ELP4: variants seen among roughly 807,000 people sequenced by gnomAD.
ELP4 encodes elongator complex protein 4.
ELP4 carries 51 observed loss-of-function variants against 48.9 expected under a neutral mutation model. The observed-to-expected ratio is 1.04, with a 90% CI of 0.83 to 1.32. The LOEUF (loss-of-function observed/expected upper bound fraction) is 1.32, where lower values mean the gene tolerates loss of function less well. ELP4 is among the 40% of genes most tolerant of loss of function. The probability of loss-of-function intolerance (pLI) is 0.00; values close to 1 mark genes in which losing one functional copy is unlikely to be tolerated. For synonymous variants in ELP4, 210 were observed against 189.2 expected (o/e 1.11, Z -0.90); for missense variants, 519 against 514.6 (o/e 1.01, Z -0.08).
At chr11:31,774,444 G>A (rs1948205761) in intron 9 of ELP4, among the ~76,000 whole-genome samples, 1 of 152,120 alleles carries the variant, frequency 6.6e-6, no homozygotes, top group Non-Finnish European at 1.5e-5. Context: ...AACCCCATGG[G>A]GCCCCAATTG....
intron 3 of ELP4, among the ~76,000 whole-genome samples, chr11:31,568,576 C>T (rs1323324810): frequency 1.3e-5 from 2 of 152,086 alleles, no homozygotes; most frequent in Non-Finnish European, 2.9e-5. Flanking sequence ...GGTATAAAGA[C>T]AGATATAAAG....
intron 9 of ELP4, among the ~76,000 whole-genome samples, chr11:31,764,006 C>T (rs1434929634): frequency 2.0e-5 from 3 of 151,906 alleles, no homozygotes; most frequent in Admixed American, 6.6e-5. Flanking sequence ...AATGAAGTTT[C>T]TAATTTTTTT....
At chr11:31,631,734 A>G (rs1010164179) in intron 6 of ELP4, among the ~76,000 whole-genome samples, 11 of 152,152 alleles carry the variant, frequency 7.2e-5, no homozygotes, top group African/African-American at 2.7e-4. Context: ...CAAATGTAAA[A>G]TATAAAAACA....
chr11:31,698,336 T>G (rs1946452927), intron 9 of ELP4, among the ~76,000 whole-genome samples: 1 of 152,198 alleles, frequency 6.6e-6, no homozygotes, highest in African/African-American at 2.4e-5. Context: ...TTATATCTTT[T>G]TGTACTTTAA....
chr11:31,781,603 A>G (rs1035767299), intron 9 of ELP4, among the ~76,000 whole-genome samples: 2 of 140,022 alleles, frequency 1.4e-5, no homozygotes, highest in South Asian at 2.2e-4. Context: ...GGTTCAAGCA[A>G]TTCTCCTGCC....
chr11:31,787,789 C>T lies in ELP4; in HGVS notation c.*4265C>T, dbSNP rs915160415. 13 of 226,698 alleles carry T rather than the reference C, an allele frequency of 5.7e-5. No individual in the cohort carries two copies. Among genetic ancestry groups the T allele is most frequent in the Non-Finnish European group, 1.1e-4 (13 of 114,008 alleles). 14.0% of individuals were successfully genotyped at this position (226,698 alleles called of 1,614,324 possible). On this transcript the variant is annotated 3_prime_UTR_variant, in exon 10 of 10. Coordinates refer to ENST00000640961, the MANE Select transcript of ELP4 (RefSeq NM_019040.5). ...TATTTCATGCCGGAGCAATGAATCT[C>T]AATTATCTGTTCACAAGTAATTCCT... is the stretch of plus-strand genomic sequence containing the variant.
At chr11:31,707,278 T>C (rs1458554692) in intron 9 of ELP4, 4 of 327,478 alleles carry the variant, frequency 1.2e-5, no homozygotes, top group Non-Finnish European at 2.2e-5. Context: ...TTACAGTTCA[T>C]GTTACTAGCA....
intron 3 of ELP4, chr11:31,580,616 C>G: frequency 6.5e-6 from 1 of 153,056 alleles, no homozygotes; most frequent in Non-Finnish European, 1.5e-5. Context: ...CGCTGTCTCT[C>G]TTGCTCTCTC....
At chr11:31,776,595 C>A (rs973314617) in intron 9 of ELP4, among the ~76,000 whole-genome samples, 2 of 152,302 alleles carry the variant, frequency 1.3e-5, no homozygotes, top group South Asian at 2.1e-4. Context: ...CAAGTGAGTT[C>A]TTCTCAATCT....
Position 31,696,668 on chromosome 11 carries a change from A to G in ELP4, c.1143+46447A>G, listed in dbSNP as rs542584846. ...CAAGAGCTTCTGAAGGAAGCACTAA[A>G]CATGAAAGGAACAACCGGTACCAGC... On this transcript the variant is annotated intron_variant, in intron 9 of 9. Transcript: ENST00000640961. 5.3e-5 allele frequency among the ~76,000 whole-genome samples: 8 copies of G among 152,224 alleles called. No homozygotes were observed. The South Asian group carries it at 1.7e-3, about 32-fold the overall frequency.
At chr11:31,641,463 A>G (rs181488596) in intron 7 of ELP4, among the ~76,000 whole-genome samples, 8 of 152,086 alleles carry the variant, frequency 5.3e-5, no homozygotes, top group Non-Finnish European at 7.4e-5. Flanking sequence ...CTTAAATTAC[A>G]AGATAAATAA....
At chr11:31,671,808 G>A (rs1945813647) in intron 9 of ELP4, among the ~76,000 whole-genome samples, 1 of 152,116 alleles carries the variant, frequency 6.6e-6, no homozygotes. Flanking sequence ...AGACTTATTT[G>A]CCAAGTGACT....
chr11:31,695,584 A>G (rs959488243), intron 9 of ELP4, among the ~76,000 whole-genome samples: 1 of 151,242 alleles, frequency 6.6e-6, no homozygotes, highest in Non-Finnish European at 1.5e-5. Context: ...GGATTTCTGC[A>G]TAGATGTTCA....
At chr11:31,602,266 A>C (rs1006038437) in intron 4 of ELP4, among the ~76,000 whole-genome samples, 1 of 152,090 alleles carries the variant, frequency 6.6e-6, no homozygotes, top group Non-Finnish European at 1.5e-5. Context: ...AATCCGGATA[A>C]AGAATAGATT....
chr11:31,744,233 A>G (rs920090412), intron 9 of ELP4, among the ~76,000 whole-genome samples: 11 of 152,220 alleles, frequency 7.2e-5, no homozygotes, highest in Non-Finnish European at 1.0e-4. Flanking sequence ...CAGGCTCTGA[A>G]ATTGAGGCAA....
chr11:31,704,902 T>C (rs1018712471), intron 9 of ELP4, among the ~76,000 whole-genome samples: 31 of 151,610 alleles, frequency 2.0e-4, no homozygotes, highest in African/African-American at 7.3e-4. Context: ...TCCCAGCTAC[T>C]TGGGAGGCTG....
At chr11:31,546,785 C>G (rs1424013798) in intron 3 of ELP4, among the ~76,000 whole-genome samples, 2 of 152,118 alleles carry the variant, frequency 1.3e-5, no homozygotes, top group Admixed American at 1.3e-4. Flanking sequence ...AACAAACTGT[C>G]TCTCAGACCA....
At chr11:31,668,434 A>G (rs1945725143) in intron 9 of ELP4, among the ~76,000 whole-genome samples, 1 of 151,678 alleles carries the variant, frequency 6.6e-6, no homozygotes, top group South Asian at 2.1e-4. Context: ...CACTCAAGTC[A>G]TTTGTTTCAT....
Position 31,527,434 on chromosome 11 carries a change from CA to C in ELP4, c.259+7345del, listed in dbSNP as rs533537498. Among the ~76,000 whole-genome samples the C allele has an allele frequency of 1.2e-4, 18 of 152,084 alleles. No individual in the cohort carries two copies. The East Asian group carries it at 3.5e-3, about 29-fold the overall frequency. The stretch of plus-strand genomic sequence containing the variant: ...TAAATATCTTATAGACATCTAAAAT[CA>C]ATGTGTTTGAAGCTTTCCCTACTTC... On this transcript the variant is annotated intron_variant, in intron 2 of 9. Transcript: ENST00000640961.
Sources: gnomAD v4.1 joint callset for allele counts (sites outside exome capture counted in the v4.1 genomes callset) on GRCh38, gnomAD v4.1.1 for gene constraint, MANE v1.5 for transcripts, NCBI Gene and HGNC (gene_info 2026-07-23, HGNC 2026-07-21) for gene names.